Variants in LRRC37A2 observed in about 807,000 individuals in gnomAD.
The protein encoded by LRRC37A2 is leucine-rich repeat-containing protein 37A2.
Under a neutral mutation model 68.8 loss-of-function variants are expected in LRRC37A2, and 9 were observed. The observed-to-expected ratio is 0.13, with a 90% CI of 0.08 to 0.23. The LOEUF (loss-of-function observed/expected upper bound fraction) is 0.23. LRRC37A2 is among the 10% of genes least tolerant of loss of function. LRRC37A2 has a pLI of 1.00. For missense variants in LRRC37A2, 168 were observed against 950.4 expected (o/e 0.18, Z 10.82); for synonymous variants, 63 against 367.6 (o/e 0.17, Z 9.48).
the LRRC37A2 span, among the ~76,000 whole-genome samples, chr17:46,971,614 T>C: frequency 6.6e-6 from 1 of 152,182 alleles, no homozygotes; most frequent in Non-Finnish European, 1.5e-5. Flanking sequence ...TCACTTAAAC[T>C]TTCCAACCAC....
chr17:46,825,212 T>C, the LRRC37A2 span, among the ~76,000 whole-genome samples: 1 of 152,214 alleles, frequency 6.6e-6, no homozygotes, highest in African/African-American at 2.4e-5. Flanking sequence ...TGTGTGTGGC[T>C]GCCACGGTTT....
chr17:46,872,984 A>C, the LRRC37A2 span, among the ~76,000 whole-genome samples: 1 of 151,762 alleles, frequency 6.6e-6, no homozygotes, highest in Non-Finnish European at 1.5e-5. Context: ...GGTTTGGGGG[A>C]GCAGAGGAGC....
chr17:46,808,443 CA>C, the LRRC37A2 span, among the ~76,000 whole-genome samples: 1 of 152,178 alleles, frequency 6.6e-6, no homozygotes, highest in East Asian at 1.9e-4. Context: ...TATGAACAAG[CA>C]AATTTTTACC....
chr17:46,788,483 C>T, the LRRC37A2 span, among the ~76,000 whole-genome samples: 2 of 152,154 alleles, frequency 1.3e-5, no homozygotes, highest in East Asian at 1.9e-4. Context: ...CCTGCCCAGC[C>T]CTCTTGTTCG....
At chr17:46,589,340 ATTTTTTTTTTT>A in the LRRC37A2 span, among the ~76,000 whole-genome samples, 1 of 78,726 alleles carries the variant, frequency 1.3e-5, no homozygotes, top group Non-Finnish European at 2.0e-5. Flanking sequence ...ATAGGCGTGA[ATTTTTTTTTTT>A]TTTTTTTTTT....
the LRRC37A2 span, among the ~76,000 whole-genome samples, chr17:46,950,905 G>T: frequency 6.6e-6 from 1 of 152,200 alleles, no homozygotes; most frequent in African/African-American, 2.4e-5. Flanking sequence ...GACCCAGTCG[G>T]TGATGAGAGA....
the LRRC37A2 span, among the ~76,000 whole-genome samples, chr17:46,895,317 C>T: frequency 2.0e-5 from 3 of 152,360 alleles, no homozygotes; most frequent in South Asian, 6.2e-4. Flanking sequence ...GCTTCCAGTT[C>T]TGAGGTAGCC....
the LRRC37A2 span, among the ~76,000 whole-genome samples, chr17:46,569,538 AT>A: frequency 1.5e-5 from 2 of 136,620 alleles, no homozygotes; most frequent in South Asian, 4.5e-4. Flanking sequence ...AGTTAAAAAA[AT>A]AAATGCACTA....
chr17:46,731,420 T>C, the LRRC37A2 span, among the ~76,000 whole-genome samples: 1 of 152,136 alleles, frequency 6.6e-6, no homozygotes, highest in Non-Finnish European at 1.5e-5. Flanking sequence ...TTGATTTTGG[T>C]GGTGTTGTGT....
At chr17:46,840,361 C>T in the LRRC37A2 span, among the ~76,000 whole-genome samples, 1 of 152,228 alleles carries the variant, frequency 6.6e-6, no homozygotes, top group Admixed American at 6.5e-5. Flanking sequence ...GCTGGGATTA[C>T]AGGCGCGAGC....
chr17:46,942,362 T>C, the LRRC37A2 span, among the ~76,000 whole-genome samples: 2 of 152,214 alleles, frequency 1.3e-5, no homozygotes, highest in African/African-American at 2.4e-5. Context: ...ACCCTCTCAC[T>C]TATGTTCTCC....
the LRRC37A2 span, among the ~76,000 whole-genome samples, chr17:46,751,039 G>A: frequency 1.3e-5 from 2 of 152,122 alleles, no homozygotes; most frequent in African/African-American, 4.8e-5. Flanking sequence ...CAGCAGTGGT[G>A]GAGTCAGTAA....
At chr17:46,926,152 A>G in the LRRC37A2 span, among the ~76,000 whole-genome samples, 1 of 152,208 alleles carries the variant, frequency 6.6e-6, no homozygotes, top group Non-Finnish European at 1.5e-5. Context: ...GAGCTTAAGA[A>G]CTATTACCTT....
the LRRC37A2 span, among the ~76,000 whole-genome samples, chr17:46,801,547 G>A: frequency 7.2e-5 from 11 of 152,302 alleles, no homozygotes; most frequent in African/African-American, 2.6e-4. Flanking sequence ...TTGAACCTGG[G>A]AGGCGGAGGC....
chr17:46,866,121 T>C, the LRRC37A2 span, among the ~76,000 whole-genome samples: 5 of 151,988 alleles, frequency 3.3e-5, no homozygotes, highest in African/African-American at 1.2e-4. Context: ...GAAAGGCACC[T>C]GGAAGGTAGA....
At chr17:47,003,578 TGGAA>T in the LRRC37A2 span, among the ~76,000 whole-genome samples, 1 of 152,208 alleles carries the variant, frequency 6.6e-6, no homozygotes, top group South Asian at 2.1e-4. Flanking sequence ...TTTAGCTGGA[TGGAA>T]GGATGCGTTT....
chr17:46,725,571 G>A, the LRRC37A2 span, among the ~76,000 whole-genome samples: 1 of 152,156 alleles, frequency 6.6e-6, no homozygotes, highest in Non-Finnish European at 1.5e-5. Context: ...TACACAGGTT[G>A]TTTTTAAACC....
At chr17:46,771,830 G>T in the LRRC37A2 span, among the ~76,000 whole-genome samples, 17 of 141,770 alleles carry the variant, frequency 1.2e-4, no homozygotes, top group Admixed American at 3.5e-4. Context: ...GCCGCGCGGT[G>T]GGGGGGCGGT....
chr17:46,876,725 T>A, the LRRC37A2 span: 1 of 1,528,944 alleles, frequency 6.5e-7, no homozygotes, highest in East Asian at 2.3e-5. Flanking sequence ...CTAGGCCTAC[T>A]GCCCAGCAAG....
Sources: allele counts gnomAD v4.1 joint callset (sites outside exome capture counted in the v4.1 genomes callset), GRCh38; gene constraint gnomAD v4.1.1; transcripts MANE v1.5; gene names NCBI Gene and HGNC (gene_info 2026-07-23, HGNC 2026-07-21).